The following ADRA1D variants were observed in gnomAD, a reference collection of about 807,000 sequenced individuals.
ADRA1D encodes alpha-1D adrenergic receptor.
In ADRA1D, 22 loss-of-function variants were observed where a neutral mutation model predicts 18.6. The observed-to-expected ratio is 1.19, with a 90% confidence interval of 0.85 to 1.69. The LOEUF (loss-of-function observed/expected upper bound fraction) is 1.69. ADRA1D is among the 40% of genes most tolerant of loss of function. ADRA1D has a pLI of 0.00. For synonymous variants in ADRA1D, 376 were observed against 388.2 expected (o/e 0.97, Z 0.37); for missense variants, 840 against 840.7 (o/e 1.00, Z 0.01).
chr20:4,243,942 T>C lies in ADRA1D; in HGVS notation c.1111+3905A>G, dbSNP rs564206663. 1.6e-4 allele frequency among the ~76,000 whole-genome samples: 24 copies of C among 152,322 alleles called. 1 individual carries two copies. The South Asian group carries it at 5.0e-3, about 32-fold the overall frequency. ...CTACTCTCTGGGATTCTCTGGATTT[T>C]AGGTGCCCACATCTGTGTCCCAGTG... On this transcript the variant is annotated intron_variant, in intron 1 of 1. Coordinates refer to ENST00000379453, the MANE Select transcript of ADRA1D (RefSeq NM_000678.4).
intron 1 of ADRA1D, among the ~76,000 whole-genome samples, chr20:4,240,065 A>G (rs566087340): frequency 6.6e-6 from 1 of 152,318 alleles, no homozygotes; most frequent in South Asian, 2.1e-4. Flanking sequence ...TCTTGACACC[A>G]CAGAAAAGAA....
chr20:4,247,854 C>T lies in ADRA1D; in HGVS notation c.1104G>A (p.Leu368=), dbSNP rs773243856. 9 of 1,548,898 alleles carry T rather than the reference C, an allele frequency of 5.8e-6. No homozygotes were observed. Among genetic ancestry groups the T allele is most frequent in the Non-Finnish European group, 7.8e-6 (9 of 1,147,836 alleles). Residue 368 remains leucine, a synonymous_variant, in exon 1 of 2, where the codon CTG becomes CTA. Coordinates refer to ENST00000379453, the MANE Select transcript of ADRA1D (RefSeq NM_000678.4). ...GGGAGAGGGGTCACTCACCGAGCGG[C>T]AGGACAAAGAAGAAAGGGAACCAGC... ...VLCWFPFFFV[L]PLGSLFPQLK...
At position 4,248,657 on chromosome 20, in the gene ADRA1D, C is replaced by G. The variant is rs375088671; in HGVS notation, c.301G>C (p.Val101Leu). ...ATAAGGATGAAGGCTGCCAGGAAGA[C>G]GCCCACGCCCACGCCCTGCGCGCTC... ...VVSAQGVGVG[V>L]FLAAFILMAV... is the part of the protein sequence containing the mutation. Residue 101 changes from valine (V) to leucine (L), a missense_variant, in exon 1 of 2, where the codon GTC becomes CTC. Val to Leu is a conservative substitution (Grantham distance 32). Transcript: ENST00000379453. 6.2e-6 allele frequency: 10 copies of G among 1,605,214 alleles called. No individual in the cohort carries two copies. The highest frequency in any genetic ancestry group is 7.6e-6 in the Non-Finnish European group (9 of 1,176,696).
At chr20:4,226,838 C>T (rs980426521) in intron 1 of ADRA1D, among the ~76,000 whole-genome samples, 1 of 152,212 alleles carries the variant, frequency 6.6e-6, no homozygotes, top group Non-Finnish European at 1.5e-5. Flanking sequence ...CTCCAGATTC[C>T]GCAGGCAGCG....
chr20:4,229,667 G>A (rs901947056), intron 1 of ADRA1D, among the ~76,000 whole-genome samples: 3 of 152,094 alleles, frequency 2.0e-5, no homozygotes, highest in Non-Finnish European at 4.4e-5. Context: ...AGAATGCAGT[G>A]ATTGAGGGCA....
intron 1 of ADRA1D, among the ~76,000 whole-genome samples, chr20:4,229,150 C>T (rs933186841): frequency 2.0e-5 from 3 of 152,160 alleles, no homozygotes; most frequent in African/African-American, 7.2e-5. Context: ...TTGCAGTTTC[C>T]TGTCTTTGCA....
chr20:4,248,829 C>G lies in ADRA1D; in HGVS notation c.129G>C (p.Val43=). 6.8e-6 allele frequency: 7 copies of G among 1,024,844 alleles called. No homozygotes were observed. The highest frequency in any genetic ancestry group is 7.0e-6 in the Non-Finnish European group (6 of 858,018). The allele number at this position is 1,024,844 out of a possible 1,614,324, so 63.5% of individuals were successfully genotyped here. The part of the protein sequence containing the change: ...GGAAPSEGPA[V]GGVPGGAGGG... The stretch of plus-strand genomic sequence containing the variant: ...CGCCCGCGCCCCCCGGCACGCCGCC[C>G]ACCGCCGGGCCCTCCGAGGGGGCCG... The change falls in exon 1 of 2, where the codon GTG becomes GTC. Residue 43 remains valine (V), a synonymous_variant. Transcript: ENST00000379453.
rs187663336 is a variant in ADRA1D, at chr20:4,242,891, G to T, written c.1111+4956C>A. Among the ~76,000 whole-genome samples the T allele has an allele frequency of 4.3e-3, 659 of 151,866 alleles. 2 individuals are homozygous for T. The highest frequency in any genetic ancestry group is 7.3e-3 in the Non-Finnish European group (499 of 67,900). On this transcript the variant is annotated intron_variant, in intron 1 of 1. Transcript: ENST00000379453. Reference sequence around the variant, plus strand: ...GTGTGTGTGTTTGTGTGTGTATGTAGGTCTCGGCAGACAGTCCACCTCTGG... The same window carrying T: ...GTGTGTGTGTTTGTGTGTGTATGTATGTCTCGGCAGACAGTCCACCTCTGG...
At chr20:4,227,699 C>CTT (rs1291016308) in intron 1 of ADRA1D, among the ~76,000 whole-genome samples, 1,932 of 56,610 alleles carry the variant, frequency 0.034, 85 homozygotes, top group African/African-American at 0.14. Flanking sequence ...TCCCTCCCTC[C>CTT]CTCCCTCCTT....
intron 1 of ADRA1D, among the ~76,000 whole-genome samples, chr20:4,233,196 A>G (rs2122664981): frequency 6.6e-6 from 1 of 152,254 alleles, no homozygotes; most frequent in East Asian, 1.9e-4. Flanking sequence ...GTGGTGGCTC[A>G]CGCATATAAA....
At chr20:4,233,934 C>G (rs1339169815) in intron 1 of ADRA1D, among the ~76,000 whole-genome samples, 1 of 152,234 alleles carries the variant, frequency 6.6e-6, no homozygotes, top group Non-Finnish European at 1.5e-5. Context: ...GAGTCGCCAT[C>G]CAGCTGGCTG....
At chr20:4,240,294 G>C (rs1600851049) in intron 1 of ADRA1D, among the ~76,000 whole-genome samples, 1 of 152,106 alleles carries the variant, frequency 6.6e-6, no homozygotes, top group East Asian at 1.9e-4. Context: ...TCCTTCTGTG[G>C]ATTCTGCTTC....
At chr20:4,242,683 T>C (rs992609339) in intron 1 of ADRA1D, among the ~76,000 whole-genome samples, 1 of 152,184 alleles carries the variant, frequency 6.6e-6, no homozygotes, top group African/African-American at 2.4e-5. Flanking sequence ...CCAGCTTGTA[T>C]GCCTTGAGGT....
chr20:4,245,818 C>T (rs752678718), intron 1 of ADRA1D, among the ~76,000 whole-genome samples: 14 of 152,064 alleles, frequency 9.2e-5, no homozygotes, highest in East Asian at 1.9e-4. Context: ...TCTAAAGGGG[C>T]GGGCACCAAC....
At chr20:4,231,064 T>TTCTTTCTTTCTTTCTCTCTCTCTC (rs1491147056) in intron 1 of ADRA1D, among the ~76,000 whole-genome samples, 1 of 97,922 alleles carries the variant, frequency 1.0e-5, no homozygotes, top group South Asian at 3.6e-4. Context: ...CTTTCTTTCT[T>TTCTTTCTTTCTTTCTCTCTCTCTC]TCTCTCTCTC....
At chr20:4,231,989 T>G (rs573131871) in intron 1 of ADRA1D, among the ~76,000 whole-genome samples, 2 of 152,258 alleles carry the variant, frequency 1.3e-5, no homozygotes, top group East Asian at 1.9e-4. Context: ...CCTGGCTCAC[T>G]GCAACCTCTG....
intron 1 of ADRA1D, among the ~76,000 whole-genome samples, chr20:4,231,598 C>T (rs757527192): frequency 1.6e-4 from 24 of 152,168 alleles, no homozygotes; most frequent in Admixed American, 6.5e-4. Flanking sequence ...AGGGAGCTGA[C>T]GCTTTCCGAG....
intron 1 of ADRA1D, among the ~76,000 whole-genome samples, chr20:4,235,835 G>A (rs4815669): frequency 0.2 from 31,170 of 152,244 alleles, 3,237 homozygotes; most frequent in Middle Eastern, 0.29. Flanking sequence ...TGCACGGTGG[G>A]GCTGGGGGGT....
At chr20:4,229,709 A>G (rs1980909262) in intron 1 of ADRA1D, among the ~76,000 whole-genome samples, 1 of 152,008 alleles carries the variant, frequency 6.6e-6, no homozygotes, top group South Asian at 2.1e-4. Flanking sequence ...GAACTCAACC[A>G]CCCACCCTCA....
Sources: gnomAD v4.1 joint callset for allele counts (sites outside exome capture counted in the v4.1 genomes callset) on GRCh38, gnomAD v4.1.1 for gene constraint, MANE v1.5 for transcripts, NCBI Gene and HGNC (gene_info 2026-07-23, HGNC 2026-07-21) for gene names.